KIF6: variants seen among roughly 807,000 people sequenced by gnomAD.
KIF6 encodes the protein kinesin-like protein KIF6.
In KIF6, 106 loss-of-function variants were observed where a neutral mutation model predicts 112.7. The ratio of observed to expected loss-of-function variants is 0.94; its 90% CI spans 0.80 to 1.11. The LOEUF (loss-of-function observed/expected upper bound fraction) is 1.11, where lower values mean the gene tolerates loss of function less well. KIF6 is among the 50% of genes least tolerant of loss of function. The pLI, the probability that KIF6 is intolerant of heterozygous loss-of-function variation, is 0.00. For missense variants in KIF6, 929 were observed against 964.0 expected (o/e 0.96, Z 0.48); for synonymous variants, 339 against 339.9 (o/e 1.00, Z 0.03).
intron 3 of KIF6, among the ~76,000 whole-genome samples, chr6:39,693,209 A>G (rs925345975): frequency 6.6e-6 from 1 of 152,250 alleles, no homozygotes; most frequent in African/African-American, 2.4e-5. Context: ...AGGGCACCAC[A>G]GTAGCACAAA....
intron 13 of KIF6, among the ~76,000 whole-genome samples, chr6:39,456,801 A>G (rs1193805440): frequency 7.4e-6 from 1 of 134,596 alleles, no homozygotes; most frequent in South Asian, 2.5e-4. Flanking sequence ...TAAAGGGATC[A>G]ATTCAACAAG....
At chr6:39,612,878 A>C (rs1270502714) in intron 6 of KIF6, among the ~76,000 whole-genome samples, 1 of 152,202 alleles carries the variant, frequency 6.6e-6, no homozygotes, top group East Asian at 1.9e-4. Flanking sequence ...TGTACAAACC[A>C]ATTTGTATAC....
chr6:39,385,778 G>A (rs1767365103), intron 15 of KIF6, 106 bp from the exon 16 acceptor site: 4 of 754,878 alleles, frequency 5.3e-6, no homozygotes, highest in Non-Finnish European at 9.2e-6. Context: ...AAAAGGTAGA[G>A]TAAGGGAAAC....
intron 13 of KIF6, among the ~76,000 whole-genome samples, chr6:39,524,370 A>C (rs1024576678): frequency 6.6e-6 from 1 of 152,206 alleles, no homozygotes; most frequent in African/African-American, 2.4e-5. Context: ...TGGGCTTTAA[A>C]GTTATGTAAT....
At chr6:39,350,422 C>A (rs978092720) in intron 19 of KIF6, among the ~76,000 whole-genome samples, 12 of 152,124 alleles carry the variant, frequency 7.9e-5, no homozygotes, top group Admixed American at 6.6e-5. Flanking sequence ...TAGCTGGTGA[C>A]CCTGGGCAAG....
At chr6:39,482,272 A>G (rs1774846972) in intron 13 of KIF6, among the ~76,000 whole-genome samples, 1 of 152,148 alleles carries the variant, frequency 6.6e-6, no homozygotes, top group African/African-American at 2.4e-5. Context: ...TGAAATTCAA[A>G]CTTCACTGAT....
In KIF6 at chr6:39,578,120, C is replaced by G; in HGVS notation, c.1117G>C (p.Asp373His). Residue 373 changes from aspartate to histidine, a missense_variant, in exon 10 of 23, where the codon GAT (aspartate) becomes CAT (histidine). By Grantham distance (81) the Asp-to-His change is moderately conservative. Transcript: ENST00000287152. The stretch of plus-strand genomic sequence containing the variant: ...TCCCCAGTGACCATGGCCAGTTCAT[C>G]CTTCAGTTCCTGGATTTCCTTTTGT... ...RLQKEIQELK[D>H]ELAMVTGEQR... 1 of 1,614,084 alleles carries G rather than the reference C, an allele frequency of 6.2e-7. No homozygotes were observed. The highest frequency in any genetic ancestry group is 8.5e-7 in the Non-Finnish European group (1 of 1,179,958).
intron 18 of KIF6, among the ~76,000 whole-genome samples, chr6:39,358,843 A>T (rs1764911880): frequency 6.6e-6 from 1 of 152,240 alleles, no homozygotes; most frequent in South Asian, 2.1e-4. Context: ...GCATATTTTC[A>T]TATCACCTGA....
chr6:39,357,457 T>C lies in KIF6; in HGVS notation c.2083-83A>G. The C allele has an allele frequency of 4.4e-6, 4 of 909,980 alleles. No individual in the cohort carries two copies. In the South Asian group the frequency reaches 6.4e-5, roughly 14 times the overall value. The allele number at this position is 909,980 out of a possible 1,614,324, so 56.4% of individuals were successfully genotyped here. A position where few individuals can be genotyped will look rare whatever the true frequency, so the allele number is the denominator to read the frequency against. ...TGTTTTTGATGTAATTCTTTTTTTTTTTTTTTTTTGAGATGGAGTCTCGCT... is the reference window on the plus strand; with the variant it reads ...TGTTTTTGATGTAATTCTTTTTTTTCTTTTTTTTTGAGATGGAGTCTCGCT... On this transcript the variant is annotated intron_variant, in intron 18 of 22. Transcript: ENST00000287152.
rs1179628255 is a variant in KIF6, at chr6:39,725,163, G to T, written c.66+82C>A. 7.2e-6 allele frequency: 9 copies of T among 1,253,278 alleles called. No individual in the cohort carries two copies. In the East Asian group the frequency reaches 7.6e-5, roughly 11 times the overall value. 77.6% of individuals were successfully genotyped at this position (1,253,278 alleles called of 1,614,324 possible). A position where few individuals can be genotyped will look rare whatever the true frequency, so the allele number is the denominator to read the frequency against. ...GCCCACCAGCAAGCCCCTCACCTCC[G>T]CCCAGCCCCTTCGCGTGCCGCCGCC... On this transcript the variant is annotated intron_variant, in intron 1 of 22. Coordinates refer to ENST00000287152, the MANE Select transcript of KIF6 (RefSeq NM_145027.6).
intron 10 of KIF6, among the ~76,000 whole-genome samples, chr6:39,546,485 A>G (rs1779075239): frequency 1.3e-5 from 2 of 152,154 alleles, no homozygotes; most frequent in Admixed American, 1.3e-4. Context: ...ATGAAATAGA[A>G]AACAAAACAC....
chr6:39,523,261 C>T (rs758117079), intron 13 of KIF6, among the ~76,000 whole-genome samples: 50 of 152,202 alleles, frequency 3.3e-4, no homozygotes, highest in Non-Finnish European at 4.9e-4. Context: ...CTTATAATTA[C>T]GTAGCTTGAC....
intron 13 of KIF6, among the ~76,000 whole-genome samples, chr6:39,475,860 A>G (rs1379378036): frequency 6.6e-6 from 1 of 152,202 alleles, no homozygotes; most frequent in Admixed American, 6.5e-5. Context: ...ATGGAATACT[A>G]TGCAGCCATA....
intron 3 of KIF6, among the ~76,000 whole-genome samples, chr6:39,706,402 G>C (rs1789212711): frequency 6.6e-6 from 1 of 152,160 alleles, no homozygotes; most frequent in South Asian, 2.1e-4. Flanking sequence ...ACAGCTGTAG[G>C]TAGAATGGGA....
chr6:39,488,022 C>G (rs1175136505), intron 13 of KIF6, among the ~76,000 whole-genome samples: 4 of 57,348 alleles, frequency 7.0e-5, no homozygotes, highest in Non-Finnish European at 1.3e-4. Context: ...TCTAATCATC[C>G]ATCCACTCAT....
At chr6:39,697,946 T>C (rs191852117) in intron 3 of KIF6, among the ~76,000 whole-genome samples, 1 of 152,216 alleles carries the variant, frequency 6.6e-6, no homozygotes, top group Non-Finnish European at 1.5e-5. Flanking sequence ...TCAGTGTCTA[T>C]CTTAATATCT....
At chr6:39,365,927 G>T (rs1765526680) in intron 16 of KIF6, among the ~76,000 whole-genome samples, 1 of 152,222 alleles carries the variant, frequency 6.6e-6, no homozygotes, top group African/African-American at 2.4e-5. Context: ...AGGGGGGACG[G>T]CCAGGGCGGC....
intron 3 of KIF6, among the ~76,000 whole-genome samples, chr6:39,653,113 T>G (rs1176362997): frequency 1.3e-5 from 2 of 152,222 alleles, no homozygotes; most frequent in Non-Finnish European, 2.9e-5. Context: ...CTACTTTTCA[T>G]TTGTTCTCAT....
chr6:39,694,125 TAA>T (rs35365821), intron 3 of KIF6, among the ~76,000 whole-genome samples: 1 of 146,112 alleles, frequency 6.8e-6, no homozygotes, highest in Non-Finnish European at 1.5e-5. Flanking sequence ...CCCTTCATGG[TAA>T]AAAAAAAAAC....
Sources: gnomAD v4.1 joint callset for allele counts (sites outside exome capture counted in the v4.1 genomes callset) on GRCh38, gnomAD v4.1.1 for gene constraint, MANE v1.5 for transcripts, NCBI Gene and HGNC (gene_info 2026-07-23, HGNC 2026-07-21) for gene names.